Variants in CCDC102B observed in about 807,000 individuals in gnomAD.
The protein encoded by CCDC102B is coiled-coil domain containing 102B, also known as coiled-coil domain-containing protein 102B.
Under a neutral mutation model 57.4 loss-of-function variants are expected in CCDC102B, and 75 were observed. That is an observed-to-expected ratio of 1.31 (90% confidence interval 1.08 to 1.58). The LOEUF (loss-of-function observed/expected upper bound fraction) is 1.58, where lower values mean the gene tolerates loss of function less well. CCDC102B is among the 40% of genes most tolerant of loss of function. CCDC102B has a pLI of 0.00. For missense variants in CCDC102B, 636 were observed against 582.6 expected, an observed-to-expected ratio of 1.09 and a Z score of -0.94; for synonymous variants, 206 against 201.9, an observed-to-expected ratio of 1.02 and a Z score of -0.17.
At chr18:68,965,330 C>T (rs1029647861) in intron 6 of CCDC102B, among the ~76,000 whole-genome samples, 2 of 151,086 alleles carry the variant, frequency 1.3e-5, no homozygotes, top group African/African-American at 4.9e-5. Context: ...CATTTGTTCC[C>T]CCTATTTTGC....
chr18:68,778,238 G>T (rs931382574), intron 2 of CCDC102B, among the ~76,000 whole-genome samples: 17 of 152,006 alleles, frequency 1.1e-4, no homozygotes, highest in African/African-American at 3.1e-4. Flanking sequence ...ATCTCTCTTT[G>T]CCAGAAAAGG....
At chr18:68,883,407 T>C (rs2039763039) in intron 5 of CCDC102B, among the ~76,000 whole-genome samples, 1 of 151,886 alleles carries the variant, frequency 6.6e-6, no homozygotes, top group South Asian at 2.1e-4. Flanking sequence ...CTAGAGTCTA[T>C]CATGAGAAAA....
At chr18:68,954,301 T>C (rs2049784096) in intron 6 of CCDC102B, among the ~76,000 whole-genome samples, 1 of 152,118 alleles carries the variant, frequency 6.6e-6, no homozygotes, top group South Asian at 2.1e-4. Context: ...ACATCTGTAA[T>C]CCCAGCTACT....
chr18:69,036,531 A>T (rs2052296772), intron 7 of CCDC102B, among the ~76,000 whole-genome samples: 1 of 152,098 alleles, frequency 6.6e-6, no homozygotes. Context: ...AAATTTTCAA[A>T]TTATAGCCTA....
chr18:69,012,145 G>A (rs576443806), intron 7 of CCDC102B, among the ~76,000 whole-genome samples: 1 of 152,222 alleles, frequency 6.6e-6, no homozygotes, highest in Non-Finnish European at 1.5e-5. Flanking sequence ...GTGTGGTGGG[G>A]CTGGATGGTG....
At chr18:68,964,463 CT>C in intron 6 of CCDC102B, among the ~76,000 whole-genome samples, 1 of 149,712 alleles carries the variant, frequency 6.7e-6, no homozygotes. Context: ...GAATTTCATG[CT>C]TTATTTACAT....
intron 6 of CCDC102B, among the ~76,000 whole-genome samples, chr18:68,903,645 T>C (rs2040527103): frequency 1.3e-5 from 2 of 152,204 alleles, no homozygotes; most frequent in East Asian, 3.8e-4. Flanking sequence ...TATTCTCTAT[T>C]TCAAACAATA....
rs556375252 is a variant in CCDC102B at position 68,918,459 on chromosome 18, C to T, written c.1263+21031C>T. The stretch of plus-strand genomic sequence containing the variant: ...GACTAATCCAAACATTTAGTGACCA[C>T]GTATACTAGTATGGCCAAGCAACTG... On this transcript the variant is annotated intron_variant, in intron 6 of 7. Transcript: ENST00000360242. Among the ~76,000 whole-genome samples, 91 of 152,226 alleles carry T rather than the reference C, an allele frequency of 6.0e-4. 2 individuals are homozygous for T. The South Asian group carries it at 0.018, about 31-fold the overall frequency.
intron 6 of CCDC102B, among the ~76,000 whole-genome samples, chr18:68,936,994 T>C (rs1352025802): frequency 6.6e-6 from 1 of 151,970 alleles, no homozygotes; most frequent in African/African-American, 2.4e-5. Flanking sequence ...GAAATACAGG[T>C]TTAGGCTTTT....
chr18:68,765,321 G>GA (rs1454707190), intron 2 of CCDC102B, among the ~76,000 whole-genome samples: 2,151 of 44,324 alleles, frequency 0.049, 16 homozygotes, highest in Non-Finnish European at 0.06. Flanking sequence ...AGGAAGGAAG[G>GA]AAGGAAAGAA....
chr18:68,916,548 G>A (rs1409035932), intron 6 of CCDC102B, among the ~76,000 whole-genome samples: 1 of 152,146 alleles, frequency 6.6e-6, no homozygotes. Flanking sequence ...GGGAAATGTG[G>A]ATGTTTTGTG....
chr18:68,874,014 A>G (rs893791269), intron 4 of CCDC102B, among the ~76,000 whole-genome samples: 2 of 152,070 alleles, frequency 1.3e-5, no homozygotes, highest in East Asian at 1.9e-4. Context: ...GAAAATTTTT[A>G]ATTTCAAGAA....
chr18:68,934,045 C>G lies in CCDC102B; in HGVS notation c.1263+36617C>G, dbSNP rs889356430. The stretch of plus-strand genomic sequence containing the variant: ...TCCTTTCACCTATGAAGAATTATTA[C>G]TGATGAAAAATTATGTCACCGAGGC... On this transcript the variant is annotated intron_variant, in intron 6 of 7. Coordinates refer to ENST00000360242, the MANE Select transcript of CCDC102B (RefSeq NM_024781.3). 1.3e-4 allele frequency among the ~76,000 whole-genome samples: 19 copies of G among 151,766 alleles called. 1 individual carries two copies. Among genetic ancestry groups the G allele is most frequent in the Admixed American group, 1.1e-3 (16 of 15,200 alleles).
At chr18:68,926,536 A>G (rs187297612) in intron 6 of CCDC102B, among the ~76,000 whole-genome samples, 1 of 152,036 alleles carries the variant, frequency 6.6e-6, no homozygotes, top group Admixed American at 6.6e-5. Flanking sequence ...TCTCTTTTAG[A>G]AACACCTGCA....
At chr18:68,788,971 T>G (rs1599462217) in intron 2 of CCDC102B, among the ~76,000 whole-genome samples, 1 of 152,228 alleles carries the variant, frequency 6.6e-6, no homozygotes, top group Non-Finnish European at 1.5e-5. Flanking sequence ...CTGGTACTGG[T>G]TGTTCCTTTC....
intron 7 of CCDC102B, among the ~76,000 whole-genome samples, chr18:69,032,370 G>T (rs1243840041): frequency 2.0e-5 from 3 of 152,156 alleles, no homozygotes; most frequent in African/African-American, 7.2e-5. Context: ...AAGTGCTGTT[G>T]TCATGAAAAT....
chr18:68,787,565 A>G (rs1246350259), intron 2 of CCDC102B, among the ~76,000 whole-genome samples: 1 of 151,660 alleles, frequency 6.6e-6, no homozygotes, highest in Non-Finnish European at 1.5e-5. Flanking sequence ...GGGAGAGTGT[A>G]TATGTCGAGG....
At chr18:68,921,261 A>G (rs1313067431) in intron 6 of CCDC102B, among the ~76,000 whole-genome samples, 1 of 152,144 alleles carries the variant, frequency 6.6e-6, no homozygotes. Context: ...TGAATCACGG[A>G]GGCAAGTCTT....
intron 6 of CCDC102B, among the ~76,000 whole-genome samples, chr18:68,898,819 C>T (rs1302679071): frequency 6.6e-6 from 1 of 152,022 alleles, no homozygotes; most frequent in East Asian, 1.9e-4. Flanking sequence ...GAAGGGGACA[C>T]AGATTAAGAA....
Sources: gnomAD v4.1 joint callset for allele counts (sites outside exome capture counted in the v4.1 genomes callset) on GRCh38, gnomAD v4.1.1 for gene constraint, MANE v1.5 for transcripts, NCBI Gene and HGNC (gene_info 2026-07-23, HGNC 2026-07-21) for gene names.